MAP2K6: variants seen among roughly 807,000 people sequenced by gnomAD.
The protein encoded by MAP2K6 is dual specificity mitogen-activated protein kinase kinase 6.
Under a neutral mutation model 53.7 loss-of-function variants are expected in MAP2K6, and 16 were observed. The observed-to-expected ratio is 0.30, with a 90% CI of 0.20 to 0.45. The LOEUF (loss-of-function observed/expected upper bound fraction) is 0.45, where lower values mean the gene tolerates loss of function less well. Ranked by LOEUF, MAP2K6 falls within the 20% of genes least tolerant of loss-of-function variation. The pLI, the probability that MAP2K6 is intolerant of heterozygous loss-of-function variation, is 1.00. For synonymous variants in MAP2K6, 132 were observed against 143.1 expected (o/e 0.92, Z 0.55); for missense variants, 204 against 411.9 (o/e 0.50, Z 4.37).
intron 1 of MAP2K6, among the ~76,000 whole-genome samples, chr17:69,459,968 G>T (rs1907562031): frequency 7.4e-6 from 1 of 135,968 alleles, no homozygotes. Context: ...CCTTCTCCCT[G>T]CCTTCCACCT....
At chr17:69,492,708 TC>T (rs1908797911) in intron 1 of MAP2K6, among the ~76,000 whole-genome samples, 1 of 152,192 alleles carries the variant, frequency 6.6e-6, no homozygotes, top group Admixed American at 6.5e-5. Context: ...GTGTGTCTAC[TC>T]TCCCTCTGCC....
chr17:69,527,851 C>T (rs950347016), intron 10 of MAP2K6, among the ~76,000 whole-genome samples: 8 of 152,228 alleles, frequency 5.3e-5, no homozygotes, highest in East Asian at 1.9e-4. Flanking sequence ...GCAGGGCACC[C>T]GCGCCTGTAA....
intron 10 of MAP2K6, 21 bp from the exon 11 acceptor site, chr17:69,536,094 G>A (rs1452306935): frequency 2.0e-5 from 30 of 1,533,740 alleles, no homozygotes; most frequent in Admixed American, 3.4e-5. Flanking sequence ...AGATTTTAAT[G>A]ATTATTTTTT....
intron 1 of MAP2K6, among the ~76,000 whole-genome samples, chr17:69,428,367 C>A (rs75016991): frequency 0.013 from 1,931 of 152,338 alleles, 22 homozygotes; most frequent in Non-Finnish European, 0.022. Flanking sequence ...CCCCTGTATA[C>A]TCATAGCCCA....
At chr17:69,492,498 C>G (rs1908790448) in intron 1 of MAP2K6, among the ~76,000 whole-genome samples, 1 of 152,108 alleles carries the variant, frequency 6.6e-6, no homozygotes, top group Non-Finnish European at 1.5e-5. Context: ...GTATTCTGTC[C>G]CGTTAAAACA....
intron 1 of MAP2K6, among the ~76,000 whole-genome samples, chr17:69,443,206 A>G (rs542055726): frequency 2.0e-5 from 3 of 152,186 alleles, no homozygotes; most frequent in Admixed American, 1.3e-4. Context: ...TTCCCCTTCA[A>G]ATCCCATCCA....
In MAP2K6 at chr17:69,550,620, C is replaced by A. The variant is rs1468422051; in HGVS notation, c.*8867C>A. The stretch of plus-strand genomic sequence containing the variant: ...TGTTTGTCCTGTTGTATGTTCAATA[C>A]TTGGGGAGATAAGAGCGAGGTACAG... On this transcript the variant is annotated 3_prime_UTR_variant, in exon 12 of 12. Transcript: ENST00000590474. 2.0e-5 allele frequency: 3 copies of A among 151,654 alleles called. No individual in the cohort carries two copies. The highest frequency in any genetic ancestry group is 4.4e-5 in the Non-Finnish European group (3 of 67,920). The allele number at this position is 151,654 out of a possible 1,614,324, so 9.4% of individuals were successfully genotyped here.
intron 9 of MAP2K6, 129 bp downstream of exon 9, chr17:69,525,107 G>C: frequency 1.7e-6 from 1 of 603,866 alleles, no homozygotes; most frequent in Non-Finnish European, 3.0e-6. Flanking sequence ...GAGCTGGTAG[G>C]AGATTTTGAG....
chr17:69,518,939 GC>G (rs1330756535), intron 4 of MAP2K6, among the ~76,000 whole-genome samples: 1 of 152,160 alleles, frequency 6.6e-6, no homozygotes, highest in East Asian at 1.9e-4. Flanking sequence ...CCAAAGAAGA[GC>G]TTTTGGCTTT....
At chr17:69,539,734 C>T (rs894202699) in intron 11 of MAP2K6, among the ~76,000 whole-genome samples, 1 of 152,264 alleles carries the variant, frequency 6.6e-6, no homozygotes, top group African/African-American at 2.4e-5. Flanking sequence ...GTGTTGGAAG[C>T]AGTCACCAAG....
At chr17:69,521,806 C>CAAAAAAA (rs71293537) in intron 7 of MAP2K6, 20 of 79,344 alleles carry the variant, frequency 2.5e-4, no homozygotes, top group African/African-American at 8.9e-4. Flanking sequence ...GATAAATGTA[C>CAAAAAAA]AAAAAAAAAA....
At chr17:69,505,928 C>A in intron 2 of MAP2K6, 82 bp downstream of exon 2, 2 of 1,212,658 alleles carry the variant, frequency 1.6e-6, no homozygotes, top group Non-Finnish European at 1.2e-6. Flanking sequence ...GACTGCTGAG[C>A]AATGCCTTGA....
chr17:69,519,810 A>G (rs764540056), intron 5 of MAP2K6: 3 of 214,236 alleles, frequency 1.4e-5, no homozygotes, highest in Non-Finnish European at 1.8e-5. Flanking sequence ...ACTTACTTTG[A>G]TCTCTTTTCT....
chr17:69,516,532 A>G (rs1910151447), intron 2 of MAP2K6, among the ~76,000 whole-genome samples: 1 of 152,160 alleles, frequency 6.6e-6, no homozygotes, highest in Non-Finnish European at 1.5e-5. Flanking sequence ...GCTCATACGA[A>G]TTAGATATTT....
chr17:69,502,010 C>G (rs1047528583), intron 1 of MAP2K6: 10 of 285,664 alleles, frequency 3.5e-5, no homozygotes, highest in Non-Finnish European at 4.2e-5. Flanking sequence ...GTAAACACAG[C>G]TGGAAACTGA....
At chr17:69,425,254 G>A (rs1194209220) in intron 1 of MAP2K6, among the ~76,000 whole-genome samples, 1 of 152,018 alleles carries the variant, frequency 6.6e-6, no homozygotes, top group East Asian at 1.9e-4. Flanking sequence ...GCCTGTTTTT[G>A]TGGCAGAGGA....
At chr17:69,455,502 C>T (rs1438675363) in intron 1 of MAP2K6, among the ~76,000 whole-genome samples, 1 of 152,152 alleles carries the variant, frequency 6.6e-6, no homozygotes, top group East Asian at 1.9e-4. Flanking sequence ...GGAAGGAAAT[C>T]TTTTCAGGAG....
chr17:69,495,880 A>G (rs1324789251), intron 1 of MAP2K6, among the ~76,000 whole-genome samples: 2 of 152,110 alleles, frequency 1.3e-5, no homozygotes, highest in African/African-American at 4.8e-5. Flanking sequence ...TTTCCTTGCG[A>G]TCAATGCTAA....
At chr17:69,456,140 C>T (rs1485108067) in intron 1 of MAP2K6, among the ~76,000 whole-genome samples, 2 of 152,136 alleles carry the variant, frequency 1.3e-5, no homozygotes, top group Non-Finnish European at 1.5e-5. Context: ...GGATTACAGG[C>T]GTGAGCCACA....
Sources: allele counts gnomAD v4.1 joint callset (sites outside exome capture counted in the v4.1 genomes callset), GRCh38; gene constraint gnomAD v4.1.1; transcripts MANE v1.5; gene names NCBI Gene and HGNC (gene_info 2026-07-23, HGNC 2026-07-21).